GLIS3: variants seen among roughly 807,000 people sequenced by gnomAD.
GLIS3 encodes GLIS family zinc finger 3, also known as zinc finger protein GLIS3.
GLIS3 carries 53 observed loss-of-function variants against 78.6 expected under a neutral mutation model. The observed-to-expected ratio is 0.67, with a 90% CI of 0.54 to 0.85. The LOEUF (loss-of-function observed/expected upper bound fraction) is 0.85, where lower values mean the gene tolerates loss of function less well. Among genes scored for constraint, GLIS3 ranks in the 40% least tolerant of loss-of-function variants. The probability of loss-of-function intolerance (pLI) is 0.00; values close to 1 mark genes in which losing one functional copy is unlikely to be tolerated. For missense variants in GLIS3, 1,703 were observed against 1,231.1 expected (o/e 1.38, Z -5.74); for synonymous variants, 684 against 509.9 (o/e 1.34, Z -4.60).
At chr9:3,850,084 G>T (rs1819328850) in intron 9 of GLIS3, among the ~76,000 whole-genome samples, 1 of 152,186 alleles carries the variant, frequency 6.6e-6, no homozygotes, top group South Asian at 2.1e-4. Flanking sequence ...GAAAATCTTT[G>T]ATACCTTCTA....
intron 8 of GLIS3, among the ~76,000 whole-genome samples, chr9:3,870,759 G>A (rs1820921982): frequency 6.6e-6 from 1 of 152,244 alleles, no homozygotes; most frequent in Non-Finnish European, 1.5e-5. Flanking sequence ...TACAATTCAA[G>A]ATGAGATTTG....
intron 2 of GLIS3, among the ~76,000 whole-genome samples, chr9:4,220,837 T>C (rs562025158): frequency 6.6e-6 from 1 of 152,010 alleles, no homozygotes; most frequent in East Asian, 1.9e-4. Context: ...TGTCTCAAAT[T>C]AACCAGGCAT....
chr9:4,297,898 T>G (rs1176508042), intron 1 of GLIS3, among the ~76,000 whole-genome samples: 5 of 151,972 alleles, frequency 3.3e-5, no homozygotes, highest in Non-Finnish European at 7.4e-5. Context: ...CCTATAGGAC[T>G]GGCTTCGCTG....
At chr9:3,858,022 G>C (rs1433370358) in intron 8 of GLIS3, among the ~76,000 whole-genome samples, 4 of 152,292 alleles carry the variant, frequency 2.6e-5, no homozygotes, top group African/African-American at 7.2e-5. Context: ...CCCCAGAGAT[G>C]GAGGCGGGAA....
intron 4 of GLIS3, among the ~76,000 whole-genome samples, chr9:4,057,892 G>C (rs771150466): frequency 1.3e-5 from 2 of 152,016 alleles, no homozygotes; most frequent in Admixed American, 1.3e-4. Context: ...TAAGAACCTT[G>C]ATCTTTTTCA....
At position 4,013,704 on chromosome 9, in the gene GLIS3, G is replaced by A. The variant is rs138828346; in HGVS notation, c.1711-76515C>T. Among the ~76,000 whole-genome samples, 881 of 152,294 alleles carry A rather than the reference G, an allele frequency of 5.8e-3. 13 individuals carry two copies. The highest frequency in any genetic ancestry group is 0.037 in the East Asian group (192 of 5,180). On this transcript the variant is annotated intron_variant, in intron 4 of 10. Transcript: ENST00000381971. ...CACCTTTTCTTCACTTTTCCAGTCA[G>A]TGCTTGATCTTTCAGTGGCAAGAGG... is the stretch of plus-strand genomic sequence containing the variant.
intron 4 of GLIS3, among the ~76,000 whole-genome samples, chr9:4,079,507 T>C (rs574029933): frequency 6.6e-6 from 1 of 152,160 alleles, no homozygotes; most frequent in African/African-American, 2.4e-5. Context: ...CACCTGCATG[T>C]CCAGCAATGT....
chr9:4,198,791 A>C (rs1410343101), intron 2 of GLIS3, among the ~76,000 whole-genome samples: 1 of 152,192 alleles, frequency 6.6e-6, no homozygotes, highest in Non-Finnish European at 1.5e-5. Context: ...GCTACAGAAA[A>C]AATCTTGAAG....
the GLIS3 span, among the ~76,000 whole-genome samples, chr9:4,466,378 G>A: frequency 1.3e-5 from 2 of 152,094 alleles, no homozygotes; most frequent in Admixed American, 6.5e-5. Flanking sequence ...AATATTTTAA[G>A]GTTATAATCC....
the GLIS3 span, among the ~76,000 whole-genome samples, chr9:4,448,996 G>A: frequency 9.8e-5 from 15 of 152,290 alleles, no homozygotes; most frequent in African/African-American, 3.1e-4. Context: ...TATGGAGGGT[G>A]AGCTGAAGCA....
chr9:4,370,875 CCA>C, the GLIS3 span, among the ~76,000 whole-genome samples: 2 of 151,982 alleles, frequency 1.3e-5, no homozygotes, highest in Admixed American at 6.5e-5. Flanking sequence ...TATATAGGAA[CCA>C]CAAATTAGTG....
the GLIS3 span, among the ~76,000 whole-genome samples, chr9:4,405,114 G>C: frequency 1.3e-5 from 2 of 152,108 alleles, no homozygotes; most frequent in East Asian, 3.9e-4. Flanking sequence ...CAGCACTTTG[G>C]GAGGCCGAGG....
At chr9:4,360,443 T>C in the GLIS3 span, among the ~76,000 whole-genome samples, 24 of 152,296 alleles carry the variant, frequency 1.6e-4, no homozygotes, top group Middle Eastern at 3.4e-3. Context: ...GTAATGCTAA[T>C]ACAAATATTA....
At chr9:4,286,592 A>G in intron 1 of GLIS3, 69 bp from the exon 2 acceptor site, 2 of 777,014 alleles carry the variant, frequency 2.6e-6, no homozygotes, top group Non-Finnish European at 4.3e-6. Context: ...GAGTTTTTCA[A>G]CCTGTGTATC....
the GLIS3 span, among the ~76,000 whole-genome samples, chr9:4,391,091 C>T: frequency 6.6e-6 from 1 of 152,104 alleles, no homozygotes; most frequent in African/African-American, 2.4e-5. Flanking sequence ...TGCCCACCAT[C>T]GCTGCCAGGA....
chr9:4,098,863 C>A (rs757432919), intron 4 of GLIS3, among the ~76,000 whole-genome samples: 7 of 152,154 alleles, frequency 4.6e-5, no homozygotes, highest in African/African-American at 1.7e-4. Flanking sequence ...AGACATAAAC[C>A]CGCATGCAGA....
intron 4 of GLIS3, among the ~76,000 whole-genome samples, chr9:3,955,498 C>T (rs780734013): frequency 6.6e-6 from 1 of 152,074 alleles, no homozygotes; most frequent in Non-Finnish European, 1.5e-5. Flanking sequence ...GCTGTTGTGA[C>T]ACCACAAGAG....
At chr9:4,369,430 C>A in the GLIS3 span, among the ~76,000 whole-genome samples, 1 of 152,188 alleles carries the variant, frequency 6.6e-6, no homozygotes, top group African/African-American at 2.4e-5. Context: ...AATGTTGATG[C>A]ATGCACTGCT....
upstream of GLIS3, among the ~76,000 whole-genome samples, chr9:4,351,989 C>T (rs184177262): frequency 1.9e-4 from 29 of 152,280 alleles, no homozygotes; most frequent in Admixed American, 1.5e-3. Context: ...AATAGCTGCT[C>T]TTGGTTAAAA....
Sources: gnomAD v4.1 joint callset for allele counts (sites outside exome capture counted in the v4.1 genomes callset) on GRCh38, gnomAD v4.1.1 for gene constraint, MANE v1.5 for transcripts, NCBI Gene and HGNC (gene_info 2026-07-23, HGNC 2026-07-21) for gene names.